Variants in KDM2A observed in about 807,000 individuals in gnomAD.
KDM2A encodes lysine demethylase 2A.
Under a neutral mutation model 137.3 loss-of-function variants are expected in KDM2A, and 3 were observed. The observed-to-expected ratio is 0.02, with a 90% confidence interval of 0.01 to 0.06. KDM2A has a LOEUF of 0.06. KDM2A is among the 10% of genes least tolerant of loss of function. The pLI, the probability that KDM2A is intolerant of heterozygous loss-of-function variation, is 1.00. For missense variants in KDM2A, 738 were observed against 1,510.6 expected (o/e 0.49, Z 8.48); for synonymous variants, 512 against 541.5 (o/e 0.95, Z 0.76).
At chr11:67,226,088 A>G (rs1858533781) in intron 10 of KDM2A, among the ~76,000 whole-genome samples, 1 of 151,264 alleles carries the variant, frequency 6.6e-6, no homozygotes, top group Non-Finnish European at 1.5e-5. Context: ...ATAAATAAAT[A>G]AATAAATTTA....
At chr11:67,204,455 T>G (rs1857741297) in intron 5 of KDM2A, among the ~76,000 whole-genome samples, 3 of 152,090 alleles carry the variant, frequency 2.0e-5, no homozygotes, top group Admixed American at 2.0e-4. Flanking sequence ...ATATGTAGCC[T>G]TTTGTGTAGG....
Position 67,250,883 on chromosome 11 carries a change from A to G in KDM2A, c.2768+85A>G. The G allele has an allele frequency of 2.9e-6, 3 of 1,039,760 alleles. No homozygotes were observed. The highest frequency in any genetic ancestry group is 3.2e-5 in the South Asian group (2 of 62,458). The allele number at this position is 1,039,760 out of a possible 1,614,324, so 64.4% of individuals were successfully genotyped here. ...ATATGAGAACAGCATGCACCTTGGC[A>G]TCTGAAAGCCTGTGGGGTCTTATGA... On this transcript the variant is annotated intron_variant, in intron 17 of 20. Coordinates refer to ENST00000529006, the MANE Select transcript of KDM2A (RefSeq NM_012308.3). This position sits in a 1 kb window ranked among gnomAD's most constrained non-coding sequence, Gnocchi z 7.1.
In KDM2A at chr11:67,231,666, T is replaced by G; in HGVS notation, c.1185T>G (p.Pro395=). The G allele has an allele frequency of 6.2e-7, 1 of 1,613,846 alleles. No individual in the cohort carries two copies. The highest frequency in any genetic ancestry group is 8.5e-7 in the Non-Finnish European group (1 of 1,179,818). The change falls in exon 12 of 21, where the codon CCT becomes CCG. Residue 395 remains proline, a synonymous_variant. Transcript: ENST00000529006. Reference sequence around the variant, plus strand: ...GCAGGCGTTCTGTCCTCACTAGCCCTGTAGCGAATGGAGTCAACCTGGATT... The same window carrying G: ...GCAGGCGTTCTGTCCTCACTAGCCCGGTAGCGAATGGAGTCAACCTGGATT... ...LSSRRSVLTS[P]VANGVNLDYD...
At chr11:67,227,408 T>C (rs1257167001) in intron 10 of KDM2A, among the ~76,000 whole-genome samples, 2 of 152,180 alleles carry the variant, frequency 1.3e-5, no homozygotes, top group Non-Finnish European at 2.9e-5. Flanking sequence ...CAGGGGCAAA[T>C]ATAGTAAAGC....
At chr11:67,177,717 T>A (rs146804238) in intron 2 of KDM2A, among the ~76,000 whole-genome samples, 169 of 151,874 alleles carry the variant, frequency 1.1e-3, no homozygotes, top group African/African-American at 3.7e-3. Context: ...AAAAAAAAAG[T>A]AGAAGGAATG....
rs56758864 is a variant in KDM2A at position 67,142,557 on chromosome 11, GGGGGTTGGGGTTGGGGTT to G, written c.42+21222_42+21239del. On this transcript the variant is annotated intron_variant, in intron 2 of 20. Coordinates refer to ENST00000529006, the MANE Select transcript of KDM2A (RefSeq NM_012308.3). ...TCCCAGCTACTGGTGAAGTTGGCCGGGGGGTTGGGGTTGGGGTTGGGGTTGGGGTTGGGGTTGGGGGGG... is the reference window on the plus strand; with the variant it reads ...TCCCAGCTACTGGTGAAGTTGGCCGGGGGGTTGGGGTTGGGGTTGGGGGGG... 5.1e-3 allele frequency among the ~76,000 whole-genome samples: 593 copies of G among 115,332 alleles called. 4 individuals carry two copies. Among genetic ancestry groups the G allele is most frequent in the Non-Finnish European group, 8.5e-3 (432 of 50,580 alleles). The allele number at this position is 115,332 out of a possible 152,430, so 75.7% of individuals were successfully genotyped here.
At chr11:67,226,243 C>T (rs1003052416) in intron 10 of KDM2A, among the ~76,000 whole-genome samples, 4 of 151,450 alleles carry the variant, frequency 2.6e-5, no homozygotes, top group Non-Finnish European at 4.4e-5. Flanking sequence ...GGTGACAGAG[C>T]GAGATTCCAT....
At chr11:67,249,175 T>G (rs994765100) in intron 16 of KDM2A, among the ~76,000 whole-genome samples, 1 of 152,254 alleles carries the variant, frequency 6.6e-6, no homozygotes, top group Non-Finnish European at 1.5e-5. Context: ...TGAAGTTGAC[T>G]AGGGCCAAAG....
chr11:67,128,199 C>T (rs1590703567), intron 2 of KDM2A, among the ~76,000 whole-genome samples: 1 of 151,668 alleles, frequency 6.6e-6, no homozygotes, highest in African/African-American at 2.4e-5. Flanking sequence ...GACAGGTTTT[C>T]ACTGTGTTGT....
intron 2 of KDM2A, among the ~76,000 whole-genome samples, chr11:67,172,883 A>T (rs943108345): frequency 6.6e-6 from 1 of 152,022 alleles, no homozygotes; most frequent in African/African-American, 2.4e-5. Flanking sequence ...ACCATTAAGT[A>T]TGTTTTTCTC....
At chr11:67,198,157 G>A (rs2136362368) in intron 5 of KDM2A, among the ~76,000 whole-genome samples, 1 of 152,262 alleles carries the variant, frequency 6.6e-6, no homozygotes, top group East Asian at 1.9e-4. Context: ...ATGTATAAGT[G>A]AACCCATGTA....
intron 4 of KDM2A, 56 bp downstream of exon 4, chr11:67,181,454 G>A (rs996212528): frequency 7.7e-6 from 9 of 1,165,064 alleles, no homozygotes; most frequent in Non-Finnish European, 1.1e-5. Context: ...TTACACCCAG[G>A]GCAATAAACA....
chr11:67,178,792 A>C (rs958876633), intron 2 of KDM2A, among the ~76,000 whole-genome samples: 1 of 152,114 alleles, frequency 6.6e-6, no homozygotes, highest in African/African-American at 2.4e-5. Flanking sequence ...GCATTCATCA[A>C]TTGATTGACA....
At chr11:67,173,412 G>A (rs756291502) in intron 2 of KDM2A, among the ~76,000 whole-genome samples, 4 of 152,084 alleles carry the variant, frequency 2.6e-5, no homozygotes, top group Non-Finnish European at 4.4e-5. Context: ...GTGAGCCACC[G>A]TTCTTGGCCT....
At chr11:67,209,917 A>G (rs1176962143) in intron 6 of KDM2A, among the ~76,000 whole-genome samples, 2 of 152,136 alleles carry the variant, frequency 1.3e-5, no homozygotes, top group Non-Finnish European at 2.9e-5. Context: ...AAACTTAGCC[A>G]GGCATGGTGG....
chr11:67,161,531 A>C (rs1856638470), intron 2 of KDM2A, among the ~76,000 whole-genome samples: 1 of 152,184 alleles, frequency 6.6e-6, no homozygotes, highest in African/African-American at 2.4e-5. Flanking sequence ...ATATGCATGG[A>C]TATATGTAAC....
intron 2 of KDM2A, among the ~76,000 whole-genome samples, chr11:67,124,323 A>G (rs1416328332): frequency 7.8e-6 from 1 of 127,502 alleles, no homozygotes; most frequent in Non-Finnish European, 1.7e-5. Flanking sequence ...TTTTATATAT[A>G]TTTTTTGAAA....
At chr11:67,189,334 A>G (rs1857287434) in intron 5 of KDM2A, among the ~76,000 whole-genome samples, 1 of 152,236 alleles carries the variant, frequency 6.6e-6, no homozygotes, top group Admixed American at 6.5e-5. Context: ...GAAAATACTT[A>G]TAGATGAATG....
At chr11:67,145,334 C>CA (rs1856219286) in intron 2 of KDM2A, among the ~76,000 whole-genome samples, 1 of 151,570 alleles carries the variant, frequency 6.6e-6, no homozygotes, top group African/African-American at 2.4e-5. Flanking sequence ...AACACACACA[C>CA]ACAAAATTAG....
Sources: gnomAD v4.1 joint callset for allele counts (sites outside exome capture counted in the v4.1 genomes callset) on GRCh38, gnomAD v4.1.1 for gene constraint, Gnocchi (gnomAD v3.1) non-coding constraint, MANE v1.5 for transcripts, NCBI Gene and HGNC (gene_info 2026-07-23, HGNC 2026-07-21) for gene names.